The following LRRC38 variants were observed in gnomAD, a reference collection of about 807,000 sequenced individuals.
LRRC38 encodes leucine rich repeat containing 38.
Under a neutral mutation model 16.4 loss-of-function variants are expected in LRRC38, and 5 were observed. The observed-to-expected ratio is 0.31, with a 90% CI of 0.16 to 0.64. The LOEUF is 0.64. Among genes scored for constraint, LRRC38 ranks in the 30% least tolerant of loss-of-function variants. The probability of loss-of-function intolerance (pLI) is 0.80; values close to 1 mark genes in which losing one functional copy is unlikely to be tolerated. For missense variants in LRRC38, 341 were observed against 401.8 expected (o/e 0.85, Z 1.29); for synonymous variants, 191 against 190.2 (o/e 1.00, Z -0.04).
Position 13,481,174 on chromosome 1 carries a change from C to T in LRRC38, c.632-5075G>A, listed in dbSNP as rs139534937. 1.2e-3 allele frequency among the ~76,000 whole-genome samples: 187 copies of T among 152,140 alleles called. 3 individuals are homozygous for T. The highest frequency in any genetic ancestry group is 4.2e-3 in the African/African-American group (173 of 41,514). ...AGTCTCACTCTGGAGGGCAGTGGCGCGATCTCGACTCACCACAACCTCTGC... is the reference window on the plus strand; with the variant it reads ...AGTCTCACTCTGGAGGGCAGTGGCGTGATCTCGACTCACCACAACCTCTGC... On this transcript the variant is annotated intron_variant, in intron 1 of 1. Coordinates refer to ENST00000376085, the MANE Select transcript of LRRC38 (RefSeq NM_001010847.2).
intron 1 of LRRC38, among the ~76,000 whole-genome samples, chr1:13,506,821 C>G (rs1639218859): frequency 6.6e-6 from 1 of 152,210 alleles, no homozygotes; most frequent in Non-Finnish European, 1.5e-5. Flanking sequence ...GCACCTCATC[C>G]CTGCAAACCA....
chr1:13,484,366 G>T (rs554709277), intron 1 of LRRC38, among the ~76,000 whole-genome samples: 1 of 152,106 alleles, frequency 6.6e-6, no homozygotes, highest in South Asian at 2.1e-4. Flanking sequence ...TCCCATGTCG[G>T]CTATGTGAGG....
intron 1 of LRRC38, among the ~76,000 whole-genome samples, chr1:13,491,913 T>C (rs1639016872): frequency 6.6e-6 from 1 of 152,142 alleles, no homozygotes. Flanking sequence ...TGACCCCAGG[T>C]GATTCACCTG....
chr1:13,511,488 G>C (rs898543069), intron 1 of LRRC38, among the ~76,000 whole-genome samples: 6 of 152,104 alleles, frequency 3.9e-5, no homozygotes, highest in Admixed American at 3.3e-4. Flanking sequence ...CACCATGGCA[G>C]AACTGAGACA....
rs1356172664 is a variant in LRRC38, at chr1:13,481,772, CCTCTCTCCCTCTCTCCCTCTCT to C, written c.632-5695_632-5674del. Among the ~76,000 whole-genome samples the C allele has an allele frequency of 5.7e-3, 170 of 30,080 alleles. 2 individuals are homozygous for C. The highest frequency in any genetic ancestry group is 0.056 in the East Asian group (51 of 904). The allele number at this position is 30,080 out of a possible 152,430, so 19.7% of individuals were successfully genotyped here. The stretch of plus-strand genomic sequence containing the variant: ...CTCTCACTTTCTTTCCCTCTCTCTC[CCTCTCTCCCTCTCTCCCTCTCT>C]CTCTCTCTCTCTCTCTCTCTCTCTC... On this transcript the variant is annotated intron_variant, in intron 1 of 1. Transcript: ENST00000376085.
chr1:13,482,161 G>A (rs1160421752), intron 1 of LRRC38, among the ~76,000 whole-genome samples: 1 of 152,134 alleles, frequency 6.6e-6, no homozygotes, highest in Non-Finnish European at 1.5e-5. Flanking sequence ...AAGATGGAAG[G>A]AAGGCAGGGA....
At chr1:13,488,032 T>TTGTGTGTGTGTGTGTGTGTGTG (rs71570140) in intron 1 of LRRC38, among the ~76,000 whole-genome samples, 5 of 147,102 alleles carry the variant, frequency 3.4e-5, no homozygotes, top group African/African-American at 1.3e-4. Flanking sequence ...TTGTGTGTGT[T>TTGTGTGTGTGTGTGTGTGTGTG]TGTGTGTGTG....
chr1:13,483,816 A>G (rs1638897221), intron 1 of LRRC38, among the ~76,000 whole-genome samples: 1 of 151,930 alleles, frequency 6.6e-6, no homozygotes, highest in African/African-American at 2.4e-5. Flanking sequence ...CGTGGTTAGC[A>G]TTGTTCAGAT....
chr1:13,501,198 G>T (rs1639144528), intron 1 of LRRC38, among the ~76,000 whole-genome samples: 1 of 151,566 alleles, frequency 6.6e-6, no homozygotes, highest in African/African-American at 2.4e-5. Context: ...ATAGTATGTG[G>T]CATGCTAATA....
At chr1:13,510,425 T>C (rs958299969) in intron 1 of LRRC38, among the ~76,000 whole-genome samples, 1 of 152,220 alleles carries the variant, frequency 6.6e-6, no homozygotes, top group African/African-American at 2.4e-5. Context: ...ACATAGTATA[T>C]ACTGTGAGCC....
Position 13,487,733 on chromosome 1 carries a change from G to A in LRRC38, c.632-11634C>T, listed in dbSNP as rs188438064. 4.4e-4 allele frequency among the ~76,000 whole-genome samples: 67 copies of A among 152,240 alleles called. No individual in the cohort carries two copies. Among genetic ancestry groups the A allele is most frequent in the African/African-American group, 1.4e-3 (60 of 41,562 alleles). ...CTCCAGAAATAGACAGTGACACAGCGGATGTTAGATTGAGATTAATCTCTT... is the reference window on the plus strand; with the variant it reads ...CTCCAGAAATAGACAGTGACACAGCAGATGTTAGATTGAGATTAATCTCTT... On this transcript the variant is annotated intron_variant, in intron 1 of 1. Coordinates refer to ENST00000376085, the MANE Select transcript of LRRC38 (RefSeq NM_001010847.2). This position sits in a 1 kb window ranked among gnomAD's most constrained non-coding sequence, Gnocchi z 4.4.
chr1:13,485,277 T>TAAAAAAAAAAAAAAAA (rs3060199), intron 1 of LRRC38, among the ~76,000 whole-genome samples: 16 of 97,830 alleles, frequency 1.6e-4, no homozygotes, highest in African/African-American at 6.1e-4. Flanking sequence ...AACCCCACCT[T>TAAAAAAAAAAAAAAAA]AAAAAAAAAA....
intron 1 of LRRC38, among the ~76,000 whole-genome samples, chr1:13,512,736 C>T (rs747499438): frequency 5.3e-5 from 8 of 152,198 alleles, no homozygotes; most frequent in Non-Finnish European, 7.3e-5. Context: ...AAGTGAGTTA[C>T]TGGAGAAACA....
In LRRC38 at chr1:13,513,135, C is replaced by A; in HGVS notation, c.459G>T (p.Ser153=). 1 of 1,550,422 alleles carries A rather than the reference C, an allele frequency of 6.4e-7. No individual in the cohort carries two copies. Among genetic ancestry groups the A allele is most frequent in the African/African-American group, 1.4e-5 (1 of 73,142 alleles). The change falls in exon 1 of 2, where the codon TCG becomes TCT. Residue 153 remains serine, a synonymous_variant. Coordinates refer to ENST00000376085, the MANE Select transcript of LRRC38 (RefSeq NM_001010847.2). ...VHEDAFETLE[S]LQVLELNDNN... ...TGTCGTTGAGCTCCAGCACCTGCAG[C>A]GACTCCAGGGTCTCGAAGGCGTCCT...
At chr1:13,479,447 G>A (rs1638826092) in intron 1 of LRRC38, among the ~76,000 whole-genome samples, 1 of 152,204 alleles carries the variant, frequency 6.6e-6, no homozygotes. Flanking sequence ...CACGGCACCT[G>A]CCGTTTAAAT....
chr1:13,497,908 C>T (rs1187616457), intron 1 of LRRC38, among the ~76,000 whole-genome samples: 2 of 136,844 alleles, frequency 1.5e-5, no homozygotes, highest in South Asian at 2.2e-4. Context: ...TGCCGTGAGC[C>T]GAGATTGCAC....
intron 1 of LRRC38, among the ~76,000 whole-genome samples, chr1:13,495,914 C>T (rs1343521062): frequency 6.6e-6 from 1 of 152,142 alleles, no homozygotes; most frequent in African/African-American, 2.4e-5. Context: ...CTATGTTCTT[C>T]CAAGTCTCTA....
chr1:13,499,305 G>T (rs1639119803), intron 1 of LRRC38, among the ~76,000 whole-genome samples: 1 of 152,082 alleles, frequency 6.6e-6, no homozygotes, highest in Non-Finnish European at 1.5e-5. Context: ...CACCATGTTG[G>T]CCAGGCTGGA....
chr1:13,493,884 G>A (rs1639048944), intron 1 of LRRC38, among the ~76,000 whole-genome samples: 1 of 152,164 alleles, frequency 6.6e-6, no homozygotes, highest in South Asian at 2.1e-4. Context: ...CCAATATGGT[G>A]AAACCCCATC....
Sources: gnomAD v4.1 joint callset for allele counts (sites outside exome capture counted in the v4.1 genomes callset) on GRCh38, gnomAD v4.1.1 for gene constraint, Gnocchi (gnomAD v3.1) non-coding constraint, MANE v1.5 for transcripts, NCBI Gene and HGNC (gene_info 2026-07-23, HGNC 2026-07-21) for gene names.